Variants in CACNA1C observed in about 807,000 individuals in gnomAD.
CACNA1C encodes the protein voltage-dependent L-type calcium channel subunit alpha-1C.
A neutral mutation model predicts 229.0 loss-of-function variants in CACNA1C; 30 were observed. The ratio of observed to expected loss-of-function variants is 0.13; its 90% CI spans 0.10 to 0.18. CACNA1C has a LOEUF of 0.18. Ranked by LOEUF, CACNA1C falls within the 10% of genes least tolerant of loss-of-function variation. The pLI is 1.00. For missense variants in CACNA1C, 1,658 were observed against 2,845.0 expected, an observed-to-expected ratio of 0.58 and a Z score of 9.49; for synonymous variants, 1,114 against 1,132.5, an observed-to-expected ratio of 0.98 and a Z score of 0.33.
At chr12:2,351,157 T>C (rs1791330794) in intron 3 of CACNA1C, among the ~76,000 whole-genome samples, 1 of 152,194 alleles carries the variant, frequency 6.6e-6, no homozygotes, top group African/African-American at 2.4e-5. Flanking sequence ...GGCTGGCCTG[T>C]GCATGGTAGG....
At chr12:2,385,304 G>A (rs61634512) in intron 3 of CACNA1C, among the ~76,000 whole-genome samples, 2,148 of 152,086 alleles carry the variant, frequency 0.014, 52 homozygotes, top group African/African-American at 0.045. Flanking sequence ...CTGCACGGCC[G>A]GGCCAGAGGC....
intron 3 of CACNA1C, among the ~76,000 whole-genome samples, chr12:2,353,785 C>A (rs923905078): frequency 1.3e-5 from 2 of 152,092 alleles, no homozygotes; most frequent in African/African-American, 4.8e-5. Flanking sequence ...ATGGCCAGAG[C>A]CTGTTTGTGG....
chr12:2,607,145 C>G lies in CACNA1C; in HGVS notation c.3356+15C>G. 1 of 1,604,424 alleles carries G rather than the reference C, an allele frequency of 6.2e-7. No individual in the cohort carries two copies. Among genetic ancestry groups the G allele is most frequent in the Non-Finnish European group, 8.5e-7 (1 of 1,174,532 alleles). On this transcript the variant is annotated intron_variant, in intron 26 of 46. Coordinates refer to ENST00000399655, the MANE Select transcript of CACNA1C (RefSeq NM_000719.7). ...GGGTGGCCAGAGTGAGTATGCAAAG[C>G]AAGGCCCCACGAGCCCTGACATTCA...
At chr12:2,046,608 T>C (rs117493746) in intron 1 of CACNA1C, among the ~76,000 whole-genome samples, 209 of 152,176 alleles carry the variant, frequency 1.4e-3, no homozygotes, top group Non-Finnish European at 2.3e-3. Flanking sequence ...CGTTCTGTCT[T>C]TGGGGGCTAA....
intron 3 of CACNA1C, among the ~76,000 whole-genome samples, chr12:2,437,204 A>G (rs2099142965): frequency 6.6e-6 from 1 of 152,214 alleles, no homozygotes; most frequent in African/African-American, 2.4e-5. Flanking sequence ...TGCTCCTCAT[A>G]AGGTGGTGAC....
Position 2,287,011 on chromosome 12 carries a change from A to G in CACNA1C, c.478-161965A>G, listed in dbSNP as rs139254845. Among the ~76,000 whole-genome samples the G allele has an allele frequency of 1.4e-4, 22 of 152,282 alleles. No homozygotes were observed. The highest frequency in any genetic ancestry group is 2.2e-4 in the Non-Finnish European group (15 of 68,020). On this transcript the variant is annotated intron_variant, in intron 3 of 46. Coordinates refer to ENST00000399655, the MANE Select transcript of CACNA1C (RefSeq NM_000719.7). This position sits in a 1 kb window ranked among gnomAD's most constrained non-coding sequence, Gnocchi z 4.6. ...AAGGGTGTGTGTGGAGAGGTCATGC[A>G]AGAAATTTGGAAGCTGTGTGCCTTG...
chr12:1,991,538 T>G (rs1458645329), intron 1 of CACNA1C: 1 of 244,430 alleles, frequency 4.1e-6, no homozygotes, highest in Non-Finnish European at 8.0e-6. Context: ...AATTAATAAT[T>G]GAGGTTTTTT....
At chr12:2,257,634 C>T (rs140684881) in intron 3 of CACNA1C, among the ~76,000 whole-genome samples, 13 of 152,304 alleles carry the variant, frequency 8.5e-5, no homozygotes, top group Non-Finnish European at 1.3e-4. Flanking sequence ...GGCCATGGAC[C>T]GGTACCTGGG....
chr12:2,297,869 C>A (rs1157518834), intron 3 of CACNA1C, among the ~76,000 whole-genome samples: 6 of 151,742 alleles, frequency 4.0e-5, no homozygotes, highest in Non-Finnish European at 8.8e-5. Flanking sequence ...CAAAAAAAAA[C>A]CTAAAACCAC....
At chr12:2,625,326 A>G (rs374860050) in intron 29 of CACNA1C, among the ~76,000 whole-genome samples, 165 of 152,350 alleles carry the variant, frequency 1.1e-3, no homozygotes, top group African/African-American at 3.8e-3. Context: ...GGGAAAGTAC[A>G]CTGTGGTTTC....
chr12:1,984,729 C>T (rs1202490044), intron 1 of CACNA1C, among the ~76,000 whole-genome samples: 1 of 147,188 alleles, frequency 6.8e-6, no homozygotes, highest in African/African-American at 2.5e-5. Flanking sequence ...ATTATTCCTT[C>T]CAGCCTGAAG....
chr12:2,212,976 C>G (rs1026384730), intron 3 of CACNA1C, among the ~76,000 whole-genome samples: 11 of 152,258 alleles, frequency 7.2e-5, no homozygotes. Flanking sequence ...GTTAAAATAT[C>G]CTCTTGTTTG....
intron 8 of CACNA1C, among the ~76,000 whole-genome samples, chr12:2,506,329 A>C (rs1275554343): frequency 6.6e-6 from 1 of 152,188 alleles, no homozygotes; most frequent in Non-Finnish European, 1.5e-5. Flanking sequence ...GATTGAAAAA[A>C]TCAACCTCAT....
At chr12:2,257,181 C>G (rs149281411) in intron 3 of CACNA1C, among the ~76,000 whole-genome samples, 1 of 152,082 alleles carries the variant, frequency 6.6e-6, no homozygotes, top group East Asian at 1.9e-4. Context: ...CGTCCAGGCC[C>G]GGAAGTTGTG....
intron 3 of CACNA1C, among the ~76,000 whole-genome samples, chr12:2,194,103 C>T (rs78557449): frequency 0.024 from 3,698 of 152,182 alleles, 74 homozygotes; most frequent in Non-Finnish European, 0.036. Flanking sequence ...TTACCTGCCC[C>T]GTCCTCCTCC....
rs1049376175 is a variant in CACNA1C, at chr12:2,348,736, G to A, written c.478-100240G>A. ...GGAGAAGGAGCTGGGAATGTCTCGGGGGAAAGGTTCCTTCCTCGGGAACTG... is the reference window on the plus strand; with the variant it reads ...GGAGAAGGAGCTGGGAATGTCTCGGAGGAAAGGTTCCTTCCTCGGGAACTG... On this transcript the variant is annotated intron_variant, in intron 3 of 46. Transcript: ENST00000399655. The surrounding 1 kb of genome is among the most constrained non-coding windows in gnomAD (Gnocchi z 4.7). 2.6e-5 allele frequency among the ~76,000 whole-genome samples: 4 copies of A among 152,144 alleles called. No homozygotes were observed. The highest frequency in any genetic ancestry group is 9.7e-5 in the African/African-American group (4 of 41,436).
At chr12:2,338,091 C>A (rs2096754070) in intron 3 of CACNA1C, among the ~76,000 whole-genome samples, 1 of 152,158 alleles carries the variant, frequency 6.6e-6, no homozygotes, top group Admixed American at 6.5e-5. Flanking sequence ...CTCACTACCC[C>A]CAGCATGCCT....
chr12:2,638,719 A>T (rs1040693411), intron 30 of CACNA1C, among the ~76,000 whole-genome samples: 37 of 152,214 alleles, frequency 2.4e-4, no homozygotes, highest in African/African-American at 8.7e-4. Flanking sequence ...GACAGACTGC[A>T]TGGGGGCAGG....
chr12:2,213,749 G>A (rs559066128), intron 3 of CACNA1C, among the ~76,000 whole-genome samples: 7 of 152,326 alleles, frequency 4.6e-5, no homozygotes, highest in Admixed American at 2.6e-4. Context: ...GGGAAGGCAC[G>A]GAGGCAGCGT....
Sources: gnomAD v4.1 joint callset for allele counts (sites outside exome capture counted in the v4.1 genomes callset) on GRCh38, gnomAD v4.1.1 for gene constraint, Gnocchi (gnomAD v3.1) non-coding constraint, MANE v1.5 for transcripts, NCBI Gene and HGNC (gene_info 2026-07-23, HGNC 2026-07-21) for gene names.